CTPS2: variants seen among roughly 807,000 people sequenced by gnomAD.
CTPS2 encodes CTP synthase II.
Under a neutral mutation model 46.8 loss-of-function variants are expected in CTPS2, and 19 were observed. That is an observed-to-expected ratio of 0.41 (90% confidence interval 0.28 to 0.60). The LOEUF (loss-of-function observed/expected upper bound fraction) is 0.60, where lower values mean the gene tolerates loss of function less well. Among genes scored for constraint, CTPS2 ranks in the 20% least tolerant of loss-of-function variants. The pLI, the probability that CTPS2 is intolerant of heterozygous loss-of-function variation, is 0.35. For synonymous variants in CTPS2, 151 were observed against 165.2 expected (o/e 0.91, Z 0.66); for missense variants, 286 against 447.6 (o/e 0.64, Z 3.26).
intron 17 of CTPS2, among the ~76,000 whole-genome samples, chrX:16,606,101 G>A (rs5936152): frequency 0.23 from 25,723 of 111,782 alleles, 2,580 homozygotes; most frequent in South Asian, 0.49. Flanking sequence ...CCTCAGGTAC[G>A]CTTAACTCAA....
chrX:16,697,432 CTTTTTTTTTTT>C (rs5901594), intron 4 of CTPS2, among the ~76,000 whole-genome samples: 1 of 59,601 alleles, frequency 1.7e-5, no homozygotes, highest in Admixed American at 2.3e-4. Flanking sequence ...TCAAATACGA[CTTTTTTTTTTT>C]TTTTTTTTTT....
At chrX:16,674,109 A>G (rs1438260133) in intron 10 of CTPS2, among the ~76,000 whole-genome samples, 5 of 89,069 alleles carry the variant, frequency 5.6e-5, no homozygotes, top group Non-Finnish European at 1.1e-4. Context: ...AGGCATGAAA[A>G]TGTGGATTTT....
chrX:16,675,607 G>T (rs1922204930), intron 10 of CTPS2, among the ~76,000 whole-genome samples: 1 of 112,123 alleles, frequency 8.9e-6, no homozygotes, highest in African/African-American at 3.2e-5. Context: ...ATTGTTGTAA[G>T]CCACAGATGT....
At chrX:16,622,997 C>T (rs2147208644) in intron 14 of CTPS2, among the ~76,000 whole-genome samples, 1 of 112,293 alleles carries the variant, frequency 8.9e-6, no homozygotes, top group African/African-American at 3.2e-5. Flanking sequence ...CGAACCATTT[C>T]AGTGATTGAT....
chrX:16,706,331 G>A (rs748229650), intron 1 of CTPS2, among the ~76,000 whole-genome samples: 256 of 110,513 alleles, frequency 2.3e-3, no homozygotes, highest in Non-Finnish European at 2.7e-3. Context: ...GCTGAAGCAC[G>A]AGAATCACTT....
intron 14 of CTPS2, among the ~76,000 whole-genome samples, chrX:16,627,585 C>T (rs1931225992): frequency 9.0e-6 from 1 of 111,601 alleles, no homozygotes; most frequent in Non-Finnish European, 1.9e-5. Context: ...CCACTCCTTA[C>T]TGCCTCTCTA....
chrX:16,685,724 G>A (rs1010440952), intron 8 of CTPS2, among the ~76,000 whole-genome samples: 103 of 107,191 alleles, frequency 9.6e-4, no homozygotes, highest in Non-Finnish European at 1.4e-3. Context: ...AAAATTAGCC[G>A]GGCGTGGTGG....
intron 13 of CTPS2, among the ~76,000 whole-genome samples, chrX:16,664,123 A>C (rs1323273483): frequency 8.9e-6 from 1 of 112,423 alleles, no homozygotes; most frequent in East Asian, 2.8e-4. Flanking sequence ...GGCATGAGCC[A>C]CTGCGCCCGG....
chrX:16,651,183 T>A, intron 13 of CTPS2: 1 of 262,057 alleles, frequency 3.8e-6, no homozygotes, highest in Non-Finnish European at 7.6e-6. Flanking sequence ...GGACTGATGG[T>A]GGGAGGGGAG....
chrX:16,697,618 A>T (rs1349460461), intron 4 of CTPS2, among the ~76,000 whole-genome samples: 1 of 108,542 alleles, frequency 9.2e-6, no homozygotes, highest in Non-Finnish European at 1.9e-5. Flanking sequence ...TAATCTTTGT[A>T]GTCTCTGTAG....
intron 13 of CTPS2, among the ~76,000 whole-genome samples, chrX:16,663,034 G>A (rs184336477): frequency 2.4e-4 from 27 of 112,110 alleles, no homozygotes; most frequent in Non-Finnish European, 4.9e-4. Flanking sequence ...TAAGGATGCA[G>A]CCATATAGCA....
At chrX:16,699,224 G>T in intron 2 of CTPS2, 131 bp from the exon 3 acceptor site, 1 of 413,479 alleles carries the variant, frequency 2.4e-6, no homozygotes, top group Non-Finnish European at 4.0e-6. Context: ...TCTCCTTTTT[G>T]GTGGAGATAT....
chrX:16,680,541 C>T (rs1167104671), intron 9 of CTPS2, among the ~76,000 whole-genome samples: 1 of 89,327 alleles, frequency 1.1e-5, no homozygotes, highest in Non-Finnish European at 2.1e-5. Flanking sequence ...GGAGAAAGGG[C>T]GAGACCCTGT....
At chrX:16,695,847 G>A (rs1288418295) in intron 4 of CTPS2, among the ~76,000 whole-genome samples, 1 of 109,085 alleles carries the variant, frequency 9.2e-6, no homozygotes, top group East Asian at 2.9e-4. Flanking sequence ...CACCACACCC[G>A]GCCCTTTTTA....
intron 14 of CTPS2, among the ~76,000 whole-genome samples, chrX:16,621,497 G>A (rs1454077119): frequency 9.1e-6 from 1 of 109,467 alleles, no homozygotes; most frequent in African/African-American, 3.3e-5. Flanking sequence ...CCCTACTGGA[G>A]CATGTGGAGA....
intron 8 of CTPS2, among the ~76,000 whole-genome samples, chrX:16,685,101 A>T (rs1241245893): frequency 3.6e-5 from 4 of 111,265 alleles, no homozygotes; most frequent in African/African-American, 3.3e-5. Flanking sequence ...CAAAAAAAAA[A>T]GAGGATGCGG....
At chrX:16,704,841 G>A (rs771921042) in intron 1 of CTPS2, among the ~76,000 whole-genome samples, 7 of 110,339 alleles carry the variant, frequency 6.3e-5, no homozygotes, top group South Asian at 7.6e-4. Context: ...CAGCTACTCC[G>A]AAGGCTGAGG....
At chrX:16,689,202 AC>A (rs1223866044) in intron 8 of CTPS2, among the ~76,000 whole-genome samples, 6 of 112,746 alleles carry the variant, frequency 5.3e-5, no homozygotes, top group African/African-American at 1.9e-4. Context: ...AGCTAAAAAA[AC>A]ATTCCTTCCA....
intron 14 of CTPS2, among the ~76,000 whole-genome samples, chrX:16,624,893 T>G (rs1179848016): frequency 1.8e-5 from 2 of 112,513 alleles, no homozygotes; most frequent in Non-Finnish European, 3.7e-5. Context: ...ACCAAAAATG[T>G]GGATAAAAGG....
Sources: allele counts gnomAD v4.1 joint callset (sites outside exome capture counted in the v4.1 genomes callset), GRCh38; gene constraint gnomAD v4.1.1; transcripts MANE v1.5; gene names NCBI Gene and HGNC (gene_info 2026-07-23, HGNC 2026-07-21).